The following GMDS variants were observed in gnomAD, a reference collection of about 807,000 sequenced individuals.
The protein encoded by GMDS is GDP-mannose 4,6 dehydratase.
Under a neutral mutation model 49.9 loss-of-function variants are expected in GMDS, and 20 were observed. That is an observed-to-expected ratio of 0.40 (90% CI 0.28 to 0.58). The LOEUF is 0.58. Among genes scored for constraint, GMDS ranks in the 20% least tolerant of loss-of-function variants. GMDS has a pLI of 0.42. For synonymous variants in GMDS, 177 were observed against 178.6 expected, an observed-to-expected ratio of 0.99 and a Z score of 0.07; for missense variants, 362 against 481.4, an observed-to-expected ratio of 0.75 and a Z score of 2.32.
chr6:2,241,909 G>C (rs1415349844), intron 1 of GMDS, among the ~76,000 whole-genome samples: 1 of 152,146 alleles, frequency 6.6e-6, no homozygotes, highest in Non-Finnish European at 1.5e-5. Flanking sequence ...ACAAGCCTTG[G>C]ACACTGCAGA....
At chr6:1,785,712 G>A (rs906894542) in intron 7 of GMDS, among the ~76,000 whole-genome samples, 1 of 152,218 alleles carries the variant, frequency 6.6e-6, no homozygotes, top group Non-Finnish European at 1.5e-5. Context: ...GGCAGGGAAG[G>A]AGGCTCCATC....
At position 1,817,108 on chromosome 6, in the gene GMDS, T is replaced by TACACACAC. The variant is rs3839594; in HGVS notation, c.772-74530_772-74523dup. On this transcript the variant is annotated intron_variant, in intron 7 of 10. Coordinates refer to ENST00000380815, the MANE Select transcript of GMDS (RefSeq NM_001500.4). ...ATATATATTTAATACATTGCTCCTTTACACACACACACACACACACTCACA... is the reference window on the plus strand; with the variant it reads ...ATATATATTTAATACATTGCTCCTTTACACACACACACACACACACACACACACTCACA... Among the ~76,000 whole-genome samples, 1,067 of 146,128 alleles carry TACACACAC rather than the reference T, an allele frequency of 7.3e-3. 9 individuals carry two copies. Among genetic ancestry groups the TACACACAC allele is most frequent in the African/African-American group, 0.026 (1,023 of 39,322 alleles).
chr6:1,655,055 G>A (rs1477959958), intron 9 of GMDS, among the ~76,000 whole-genome samples: 4 of 85,234 alleles, frequency 4.7e-5, no homozygotes, highest in African/African-American at 1.2e-4. Context: ...GTGAGATACC[G>A]TCTCAAAAAA....
intron 8 of GMDS, among the ~76,000 whole-genome samples, chr6:1,732,931 A>T (rs566402235): frequency 1.4e-3 from 214 of 152,342 alleles, no homozygotes; most frequent in African/African-American, 4.9e-3. Context: ...TGTGAGTGAC[A>T]AACCCCCTCC....
At chr6:2,116,017 G>A (rs529506013) in intron 3 of GMDS, 137 bp from the exon 4 acceptor site, 109 of 600,008 alleles carry the variant, frequency 1.8e-4, no homozygotes, top group African/African-American at 1.7e-3. Flanking sequence ...GATGGTTCTG[G>A]AGTAGCAGAA....
chr6:1,726,934 T>C (rs1477334906), intron 8 of GMDS, among the ~76,000 whole-genome samples: 2 of 152,062 alleles, frequency 1.3e-5, no homozygotes, highest in African/African-American at 4.8e-5. Context: ...TTCTTTCTTT[T>C]GTAGTTTTAG....
chr6:2,109,122 C>G (rs1377129406), intron 4 of GMDS, among the ~76,000 whole-genome samples: 1 of 152,146 alleles, frequency 6.6e-6, no homozygotes, highest in East Asian at 1.9e-4. Context: ...GTAACCTGAG[C>G]CCATCCATTT....
chr6:1,715,213 G>T (rs12111369), intron 9 of GMDS, among the ~76,000 whole-genome samples: 1 of 152,212 alleles, frequency 6.6e-6, no homozygotes, highest in Non-Finnish European at 1.5e-5. Context: ...AGTGTAAGTT[G>T]TGAGTGAACT....
chr6:2,112,139 C>G (rs1001580838), intron 4 of GMDS, among the ~76,000 whole-genome samples: 1 of 152,218 alleles, frequency 6.6e-6, no homozygotes, highest in Admixed American at 6.5e-5. Context: ...GCTGTTCATA[C>G]TAAGTACTTG....
intron 7 of GMDS, among the ~76,000 whole-genome samples, chr6:1,914,488 AAGAG>A (rs978737683): frequency 2.0e-5 from 3 of 152,050 alleles, no homozygotes; most frequent in African/African-American, 7.2e-5. Context: ...AAAGAAAAAA[AAGAG>A]AGAATCTTTA....
At chr6:1,925,766 C>T (rs1015097109) in intron 7 of GMDS, among the ~76,000 whole-genome samples, 11 of 152,216 alleles carry the variant, frequency 7.2e-5, no homozygotes, top group South Asian at 4.1e-4. Flanking sequence ...GTGAGGGCTC[C>T]ACCCCCAGGC....
At chr6:1,910,176 A>T (rs940245831) in intron 7 of GMDS, among the ~76,000 whole-genome samples, 1 of 152,138 alleles carries the variant, frequency 6.6e-6, no homozygotes, top group African/African-American at 2.4e-5. Context: ...ATTTAAAATT[A>T]TATAACATAT....
intron 4 of GMDS, among the ~76,000 whole-genome samples, chr6:2,114,773 T>C (rs956291218): frequency 2.0e-5 from 3 of 152,318 alleles, no homozygotes; most frequent in East Asian, 1.9e-4. Flanking sequence ...TCTCTCACCA[T>C]GTTCTCCACT....
chr6:1,822,428 T>C (rs1770938488), intron 7 of GMDS, among the ~76,000 whole-genome samples: 1 of 152,068 alleles, frequency 6.6e-6, no homozygotes, highest in Non-Finnish European at 1.5e-5. Flanking sequence ...AGTGAGTTTG[T>C]TAGGATGAAA....
chr6:2,066,472 C>T (rs998224218), intron 4 of GMDS, among the ~76,000 whole-genome samples: 2 of 151,044 alleles, frequency 1.3e-5, no homozygotes, highest in Admixed American at 1.3e-4. Flanking sequence ...CACAGACTGG[C>T]AAATTGGATA....
At chr6:1,868,737 G>A (rs542636743) in intron 7 of GMDS, among the ~76,000 whole-genome samples, 1 of 152,302 alleles carries the variant, frequency 6.6e-6, no homozygotes, top group Admixed American at 6.5e-5. Flanking sequence ...TAAATGCTTA[G>A]TGACTCCAGA....
intron 1 of GMDS, among the ~76,000 whole-genome samples, chr6:2,124,946 A>G (rs1386230749): frequency 6.6e-6 from 1 of 152,254 alleles, no homozygotes; most frequent in South Asian, 2.1e-4. Context: ...TGAGCTCCAC[A>G]GAAGACAGAG....
chr6:1,682,306 A>C (rs1764817690), intron 9 of GMDS, among the ~76,000 whole-genome samples: 1 of 152,270 alleles, frequency 6.6e-6, no homozygotes, highest in South Asian at 2.1e-4. Flanking sequence ...ACCTTCAGAC[A>C]GAAAGAGGCA....
chr6:2,177,152 A>C lies in GMDS; in HGVS notation c.103-52421T>G, dbSNP rs537305939. On this transcript the variant is annotated intron_variant, in intron 1 of 10. Coordinates refer to ENST00000380815, the MANE Select transcript of GMDS (RefSeq NM_001500.4). ...GAGACTAAGAAGAAGGGGACCATTA[A>C]ACCACAGAGAGATTATGAAGGGATG... Among the ~76,000 whole-genome samples the C allele has an allele frequency of 3.3e-5, 5 of 152,298 alleles. No homozygotes were observed. The South Asian group carries it at 6.2e-4, about 19-fold the overall frequency.
Sources: gnomAD v4.1 joint callset for allele counts (sites outside exome capture counted in the v4.1 genomes callset) on GRCh38, gnomAD v4.1.1 for gene constraint, MANE v1.5 for transcripts, NCBI Gene and HGNC (gene_info 2026-07-23, HGNC 2026-07-21) for gene names.